Variants in ACOT1 observed in about 807,000 individuals in gnomAD.
The protein encoded by ACOT1 is acyl-CoA thioesterase 1.
ACOT1 carries 8 observed loss-of-function variants against 15.7 expected under a neutral mutation model. That is an observed-to-expected ratio of 0.51 (90% confidence interval 0.30 to 0.92). The LOEUF (loss-of-function observed/expected upper bound fraction) is 0.92. Ranked by LOEUF, ACOT1 falls within the 40% of genes least tolerant of loss-of-function variation. The pLI is 0.06. For synonymous variants in ACOT1, 67 were observed against 241.2 expected (o/e 0.28, Z 6.69); for missense variants, 151 against 539.4 (o/e 0.28, Z 7.13).
the ACOT1 span, chr14:73,500,762 C>T: frequency 1.2e-6 from 2 of 1,601,354 alleles, no homozygotes; most frequent in Non-Finnish European, 8.5e-7. Flanking sequence ...CCTTTCACCT[C>T]CTTAAACTTT....
At chr14:73,514,291 C>G in the ACOT1 span, 1 of 1,483,968 alleles carries the variant, frequency 6.7e-7, no homozygotes, top group Non-Finnish European at 9.3e-7. Flanking sequence ...CCCTGCCACA[C>G]AGTGGCCCCA....
At chr14:73,516,897 C>G in the ACOT1 span, among the ~76,000 whole-genome samples, 1 of 152,330 alleles carries the variant, frequency 6.6e-6, no homozygotes, top group Admixed American at 6.5e-5. Flanking sequence ...CCCCACCCCG[C>G]TGGTCTGTGG....
At chr14:73,529,475 T>G in the ACOT1 span, among the ~76,000 whole-genome samples, 1 of 151,502 alleles carries the variant, frequency 6.6e-6, no homozygotes, top group Non-Finnish European at 1.5e-5. Flanking sequence ...AGGGGAGGAA[T>G]GGGGTTGGAA....
chr14:73,541,413 T>G lies in ACOT1; in HGVS notation c.458-80T>G, dbSNP rs1207187198. ...ATTGCTGGGTCACATGTGTGGTAAG[T>G]ATATGTTTAACTTGGTAAGAAACCA... On this transcript the variant is annotated intron_variant, in intron 1 of 2. Transcript: ENST00000311148. 3.6e-6 allele frequency: 4 copies of G among 1,108,542 alleles called. 1 individual carries two copies. In the Admixed American group the frequency reaches 7.3e-5, roughly 20 times the overall value. The allele number at this position is 1,108,542 out of a possible 1,614,324, so 68.7% of individuals were successfully genotyped here. A position where few individuals can be genotyped will look rare whatever the true frequency, so the allele number is the denominator to read the frequency against.
chr14:73,525,093 G>C, the ACOT1 span, among the ~76,000 whole-genome samples: 16 of 152,102 alleles, frequency 1.1e-4, no homozygotes, highest in Non-Finnish European at 1.9e-4. Flanking sequence ...GCACTGGCAC[G>C]ATCATAGCTC....
the ACOT1 span, chr14:73,512,059 CAT>C: frequency 8.7e-6 from 14 of 1,614,110 alleles, no homozygotes; most frequent in African/African-American, 1.3e-5. Flanking sequence ...AGCTGTGGCA[CAT>C]GTGGTGATAG....
At chr14:73,520,687 C>T in the ACOT1 span, 8 of 629,370 alleles carry the variant, frequency 1.3e-5, no homozygotes, top group African/African-American at 9.2e-5. Flanking sequence ...TATCACTCCC[C>T]GACCCAACTC....
At chr14:73,491,212 A>C in the ACOT1 span, 1 of 1,593,426 alleles carries the variant, frequency 6.3e-7, no homozygotes, top group South Asian at 1.1e-5. Context: ...ACTCGGAGGA[A>C]TCGAGGGTGG....
chr14:73,516,833 A>T, the ACOT1 span, among the ~76,000 whole-genome samples: 1 of 152,202 alleles, frequency 6.6e-6, no homozygotes, highest in Non-Finnish European at 1.5e-5. Context: ...CGCACCCTTT[A>T]TGATAATCTA....
the ACOT1 span, chr14:73,514,213 G>T: frequency 6.2e-7 from 1 of 1,614,136 alleles, no homozygotes; most frequent in Non-Finnish European, 8.5e-7. Flanking sequence ...CCAGCGCAGG[G>T]CTCCTTGCAC....
chr14:73,512,169 A>G, the ACOT1 span: 3 of 1,613,826 alleles, frequency 1.9e-6, no homozygotes, highest in Non-Finnish European at 2.5e-6. Flanking sequence ...AGTGAGGGAA[A>G]TGAAAAGAGA....
chr14:73,496,624 T>C, the ACOT1 span: 1 of 1,604,268 alleles, frequency 6.2e-7, no homozygotes, highest in Non-Finnish European at 8.5e-7. Flanking sequence ...TCCTGAAGCA[T>C]TTCTTGGTTT....
chr14:73,532,272 T>C (rs75114063), upstream of ACOT1, among the ~76,000 whole-genome samples: 111,833 of 113,042 alleles, frequency 0.99, 55,690 homozygotes, highest in East Asian at 1. Flanking sequence ...AGTTCAATCC[T>C]ATTTTCCCTG....
chr14:73,492,464 G>T, the ACOT1 span: 3 of 1,613,834 alleles, frequency 1.9e-6, no homozygotes, highest in Non-Finnish European at 2.5e-6. The surrounding 1 kb of genome is among the most constrained non-coding windows in gnomAD (Gnocchi z 4.9). Flanking sequence ...GAAGGTGCGG[G>T]TCTTGGTTGC....
chr14:73,500,720 C>T, the ACOT1 span: 29 of 1,613,424 alleles, frequency 1.8e-5, no homozygotes, highest in Non-Finnish European at 2.2e-5. Context: ...TTTCCTTGAC[C>T]TAGCTTGACC....
chr14:73,508,686 T>C, the ACOT1 span, among the ~76,000 whole-genome samples: 1 of 144,220 alleles, frequency 6.9e-6, no homozygotes, highest in East Asian at 2.1e-4. Context: ...GAGGCGGAGG[T>C]TGCAGTGTGA....
At chr14:73,522,199 T>G in the ACOT1 span, 13 of 1,473,632 alleles carry the variant, frequency 8.8e-6, no homozygotes, top group East Asian at 2.3e-5. Context: ...ATCGGGAGTG[T>G]GAGTCCACCT....
the ACOT1 span, among the ~76,000 whole-genome samples, chr14:73,501,847 A>C: frequency 6.6e-6 from 1 of 151,052 alleles, no homozygotes; most frequent in Non-Finnish European, 1.5e-5. Context: ...TCCAACTCCC[A>C]GGTTCACGCC....
At chr14:73,525,637 C>T in the ACOT1 span, among the ~76,000 whole-genome samples, 6 of 152,146 alleles carry the variant, frequency 3.9e-5, no homozygotes, top group Non-Finnish European at 1.5e-5. Flanking sequence ...GAACACCAAA[C>T]TGAACAACTG....
Sources: allele counts gnomAD v4.1 joint callset (sites outside exome capture counted in the v4.1 genomes callset), GRCh38; gene constraint gnomAD v4.1.1; non-coding constraint Gnocchi (gnomAD v3.1); transcripts MANE v1.5; gene names NCBI Gene and HGNC (gene_info 2026-07-23, HGNC 2026-07-21).